Variants in NAALADL2 observed in about 807,000 individuals in gnomAD.
NAALADL2 encodes inactive N-acetylated-alpha-linked acidic dipeptidase-like protein 2.
NAALADL2 carries 76 observed loss-of-function variants against 87.2 expected under a neutral mutation model. That is an observed-to-expected ratio of 0.87 (90% confidence interval 0.72 to 1.05). NAALADL2 has a LOEUF of 1.05. Ranked by LOEUF, NAALADL2 falls within the 50% of genes least tolerant of loss-of-function variation. The probability of loss-of-function intolerance (pLI) is 0.00; values close to 1 mark genes in which losing one functional copy is unlikely to be tolerated. For synonymous variants in NAALADL2, 354 were observed against 331.0 expected (o/e 1.07, Z -0.75); for missense variants, 1,089 against 945.8 (o/e 1.15, Z -1.99).
At chr3:175,361,889 A>G (rs1366387123) in intron 5 of NAALADL2, among the ~76,000 whole-genome samples, 1 of 147,770 alleles carries the variant, frequency 6.8e-6, no homozygotes, top group Non-Finnish European at 1.5e-5. Context: ...CCATTTGTCA[A>G]TTTTGGCTTT....
At position 175,808,620 on chromosome 3, in the gene NAALADL2, C is replaced by T. The variant is rs1203306769; in HGVS notation, c.*5417C>T. 1 of 151,848 alleles carries T rather than the reference C, an allele frequency of 6.6e-6. No homozygotes were observed. The highest frequency in any genetic ancestry group is 1.5e-5 in the Non-Finnish European group (1 of 67,936). 9.4% of individuals were successfully genotyped at this position (151,848 alleles called of 1,614,324 possible). On this transcript the variant is annotated 3_prime_UTR_variant, in exon 14 of 14. Coordinates refer to ENST00000454872, the MANE Select transcript of NAALADL2 (RefSeq NM_207015.3). ...TGAGGTAGCTTTTCTCAGAAGGAAA[C>T]AGATTTTATTTTCCAGGGGCTAATT...
At chr3:174,685,419 G>C (rs940231420) in intron 2 of NAALADL2, among the ~76,000 whole-genome samples, 2 of 152,128 alleles carry the variant, frequency 1.3e-5, no homozygotes, top group African/African-American at 2.4e-5. Context: ...ACCAACTGCT[G>C]TCACCATGTT....
At chr3:175,644,771 G>A (rs540270489) in intron 11 of NAALADL2, among the ~76,000 whole-genome samples, 5 of 151,970 alleles carry the variant, frequency 3.3e-5, no homozygotes, top group African/African-American at 4.8e-5. Context: ...TCCACAAAAG[G>A]CTTGCTGAGA....
At chr3:175,690,246 G>T (rs1736864321) in intron 11 of NAALADL2, among the ~76,000 whole-genome samples, 1 of 151,998 alleles carries the variant, frequency 6.6e-6, no homozygotes. Flanking sequence ...TACAGAGCAG[G>T]ACTAGTGTGC....
At chr3:175,472,247 G>GA (rs1230219268) in intron 9 of NAALADL2, among the ~76,000 whole-genome samples, 1 of 151,488 alleles carries the variant, frequency 6.6e-6, no homozygotes, top group Non-Finnish European at 1.5e-5. Flanking sequence ...ATTACCTGTG[G>GA]AAAAAGAAAA....
At chr3:175,708,433 G>C (rs115663038) in intron 11 of NAALADL2, among the ~76,000 whole-genome samples, 163 of 152,114 alleles carry the variant, frequency 1.1e-3, no homozygotes, top group African/African-American at 3.7e-3. Context: ...AAGAAACTAA[G>C]AGAAGCAGTC....
intron 2 of NAALADL2, among the ~76,000 whole-genome samples, chr3:174,564,740 A>G (rs1714037065): frequency 6.6e-6 from 1 of 152,122 alleles, no homozygotes; most frequent in Non-Finnish European, 1.5e-5. Context: ...TATTATAACA[A>G]AATTGTCCTT....
chr3:175,557,048 C>T (rs1715389154), intron 9 of NAALADL2, among the ~76,000 whole-genome samples: 1 of 152,102 alleles, frequency 6.6e-6, no homozygotes, highest in Non-Finnish European at 1.5e-5. Context: ...AAAAGTGAAC[C>T]TAAATATGTA....
At chr3:175,181,026 A>G (rs1348842066) in intron 2 of NAALADL2, among the ~76,000 whole-genome samples, 1 of 151,990 alleles carries the variant, frequency 6.6e-6, no homozygotes, top group Admixed American at 6.6e-5. Flanking sequence ...ATCTTGATGT[A>G]TGTCCAAGCT....
At chr3:174,505,424 A>G (rs2108377785) in intron 1 of NAALADL2, among the ~76,000 whole-genome samples, 1 of 152,330 alleles carries the variant, frequency 6.6e-6, no homozygotes, top group Non-Finnish European at 1.5e-5. Flanking sequence ...GGTCATGGTT[A>G]GTGAAGATCA....
chr3:174,958,363 T>C (rs575907773), intron 1 of NAALADL2, among the ~76,000 whole-genome samples: 1 of 151,948 alleles, frequency 6.6e-6, no homozygotes, highest in African/African-American at 2.4e-5. Context: ...AGTGGCTTTG[T>C]CTCCAAGTGG....
At chr3:175,360,551 A>G (rs1764874064) in intron 5 of NAALADL2, among the ~76,000 whole-genome samples, 1 of 152,004 alleles carries the variant, frequency 6.6e-6, no homozygotes, top group African/African-American at 2.4e-5. Flanking sequence ...GAAAGAGTGG[A>G]CAGGAGATAT....
chr3:174,533,727 T>C (rs1721458295), intron 1 of NAALADL2, among the ~76,000 whole-genome samples: 1 of 152,074 alleles, frequency 6.6e-6, no homozygotes, highest in African/African-American at 2.4e-5. Flanking sequence ...ACAGCAAAAT[T>C]CTGATTAATC....
intron 5 of NAALADL2, among the ~76,000 whole-genome samples, chr3:175,379,998 A>G (rs1440704573): frequency 2.0e-5 from 3 of 152,182 alleles, no homozygotes; most frequent in South Asian, 4.2e-4. Flanking sequence ...GAATTGAACA[A>G]TGAGAACACA....
rs116011956 is a variant in NAALADL2, at chr3:175,755,502, A to G, written c.2189+84A>G. On this transcript the variant is annotated intron_variant, in intron 13 of 13. Transcript: ENST00000454872. ...CTTTCAGAATACATACCTTCTATGA[A>G]CATAACAGTAGTGTAAAAGAAATTA... is the stretch of plus-strand genomic sequence containing the variant. 6.3e-4 allele frequency: 627 copies of G among 998,422 alleles called. 1 individual carries two copies. In the African/African-American group the frequency reaches 9.4e-3, roughly 15 times the overall value. The allele number at this position is 998,422 out of a possible 1,614,324, so 61.8% of individuals were successfully genotyped here. A position where few individuals can be genotyped will look rare whatever the true frequency, so the allele number is the denominator to read the frequency against.
At chr3:175,525,690 A>G (rs918748463) in intron 9 of NAALADL2, among the ~76,000 whole-genome samples, 6 of 152,120 alleles carry the variant, frequency 3.9e-5, no homozygotes, top group South Asian at 2.1e-4. Flanking sequence ...CTAATGAGCA[A>G]TCCTCAAGGG....
intron 1 of NAALADL2, among the ~76,000 whole-genome samples, chr3:174,885,816 A>G (rs2109751700): frequency 6.8e-6 from 1 of 147,192 alleles, no homozygotes; most frequent in African/African-American, 2.5e-5. Flanking sequence ...ATTAACTCAC[A>G]CAATCACAAG....
At chr3:175,722,790 A>T (rs1742414797) in intron 11 of NAALADL2, among the ~76,000 whole-genome samples, 1 of 152,118 alleles carries the variant, frequency 6.6e-6, no homozygotes, top group African/African-American at 2.4e-5. Context: ...CACATAGTAG[A>T]TTTTCAGTTA....
intron 12 of NAALADL2, among the ~76,000 whole-genome samples, chr3:175,742,248 A>G (rs2150098753): frequency 6.6e-6 from 1 of 152,318 alleles, no homozygotes; most frequent in African/African-American, 2.4e-5. Flanking sequence ...ATATAGAAAT[A>G]GAATGGGAGG....
Sources: allele counts gnomAD v4.1 joint callset (sites outside exome capture counted in the v4.1 genomes callset), GRCh38; gene constraint gnomAD v4.1.1; transcripts MANE v1.5; gene names NCBI Gene and HGNC (gene_info 2026-07-23, HGNC 2026-07-21).